Variants in NLGN1 observed in about 807,000 individuals in gnomAD.
The protein encoded by NLGN1 is neuroligin 1, also known as neuroligin-1.
A neutral mutation model predicts 65.5 loss-of-function variants in NLGN1; 12 were observed. That is an observed-to-expected ratio of 0.18 (90% confidence interval 0.12 to 0.30). The LOEUF is 0.30. Ranked by LOEUF, NLGN1 falls within the 10% of genes least tolerant of loss-of-function variation. NLGN1 has a pLI of 1.00. For missense variants in NLGN1, 750 were observed against 1,007.1 expected, an observed-to-expected ratio of 0.74 and a Z score of 3.46; for synonymous variants, 350 against 359.5, an observed-to-expected ratio of 0.97 and a Z score of 0.30.
At chr3:173,739,764 A>G (rs1385446041) in intron 3 of NLGN1, among the ~76,000 whole-genome samples, 1 of 152,158 alleles carries the variant, frequency 6.6e-6, no homozygotes, top group Non-Finnish European at 1.5e-5. Context: ...CTAGTACTCT[A>G]GAGTTTCAGT....
intron 2 of NLGN1, among the ~76,000 whole-genome samples, chr3:173,473,793 C>G (rs1452441459): frequency 6.6e-6 from 1 of 152,204 alleles, no homozygotes; most frequent in Non-Finnish European, 1.5e-5. Flanking sequence ...TTCTCTGCAT[C>G]ATTTTGCTGG....
intron 4 of NLGN1, among the ~76,000 whole-genome samples, chr3:174,077,904 T>C (rs1055576226): frequency 6.6e-6 from 1 of 152,132 alleles, no homozygotes; most frequent in African/African-American, 2.4e-5. Context: ...ATTTGATCTT[T>C]ATAGGAAATG....
At chr3:173,497,771 G>T (rs546653870) in intron 2 of NLGN1, among the ~76,000 whole-genome samples, 1 of 151,640 alleles carries the variant, frequency 6.6e-6, no homozygotes, top group Non-Finnish European at 1.5e-5. Flanking sequence ...AATATTCAAG[G>T]CCCAGGTAGC....
At chr3:173,516,494 T>C (rs910537492) in intron 2 of NLGN1, among the ~76,000 whole-genome samples, 6 of 152,086 alleles carry the variant, frequency 3.9e-5, no homozygotes, top group Admixed American at 3.9e-4. Flanking sequence ...TCTTGAACTC[T>C]CACCCAAACT....
chr3:174,252,371 G>C (rs985647242), intron 4 of NLGN1, among the ~76,000 whole-genome samples: 1 of 152,096 alleles, frequency 6.6e-6, no homozygotes, highest in African/African-American at 2.4e-5. Flanking sequence ...AAGCGAAAAG[G>C]AGAGGAAATG....
At chr3:173,867,933 A>G (rs1017009786) in intron 4 of NLGN1, among the ~76,000 whole-genome samples, 4 of 152,180 alleles carry the variant, frequency 2.6e-5, no homozygotes, top group African/African-American at 7.2e-5. Flanking sequence ...CTACAGCCCC[A>G]TAGGAGAATG....
At chr3:173,908,808 G>A (rs1738974579) in intron 4 of NLGN1, among the ~76,000 whole-genome samples, 1 of 152,170 alleles carries the variant, frequency 6.6e-6, no homozygotes, top group South Asian at 2.1e-4. Flanking sequence ...TGATGGCATT[G>A]CGTTATTTTT....
At chr3:173,769,671 G>A (rs1779299479) in intron 3 of NLGN1, among the ~76,000 whole-genome samples, 1 of 152,170 alleles carries the variant, frequency 6.6e-6, no homozygotes, top group African/African-American at 2.4e-5. Flanking sequence ...GGGCAGGATT[G>A]GAGATGGAAT....
At chr3:173,442,567 G>T (rs1469056703) in intron 2 of NLGN1, among the ~76,000 whole-genome samples, 2 of 152,070 alleles carry the variant, frequency 1.3e-5, no homozygotes, top group Non-Finnish European at 2.9e-5. Context: ...TGTTTGTATT[G>T]AAAGGTTTAA....
chr3:173,807,066 A>G (rs1578534341), intron 3 of NLGN1, among the ~76,000 whole-genome samples: 1 of 152,204 alleles, frequency 6.6e-6, no homozygotes, highest in South Asian at 2.1e-4. Flanking sequence ...CCTAAATGCA[A>G]CAAGAGGAGC....
intron 4 of NLGN1, among the ~76,000 whole-genome samples, chr3:174,116,859 C>A (rs1205721750): frequency 6.6e-6 from 1 of 152,016 alleles, no homozygotes; most frequent in African/African-American, 2.4e-5. Flanking sequence ...CTTATTCTAT[C>A]TTCTCATTTC....
chr3:174,270,771 T>C (rs1482346765), intron 4 of NLGN1, among the ~76,000 whole-genome samples: 2 of 151,832 alleles, frequency 1.3e-5, no homozygotes, highest in African/African-American at 4.8e-5. Context: ...AAGACATGAC[T>C]GAACATGGCA....
At chr3:174,202,503 T>A (rs934062083) in intron 4 of NLGN1, among the ~76,000 whole-genome samples, 1 of 152,208 alleles carries the variant, frequency 6.6e-6, no homozygotes, top group South Asian at 2.1e-4. Flanking sequence ...ACTCAGAGTA[T>A]TTTACTCAAA....
At chr3:173,830,958 A>G (rs1404370588) in intron 4 of NLGN1, among the ~76,000 whole-genome samples, 1 of 152,208 alleles carries the variant, frequency 6.6e-6, no homozygotes, top group Non-Finnish European at 1.5e-5. Flanking sequence ...AATGAAGAAT[A>G]CACTTGACTT....
intron 4 of NLGN1, among the ~76,000 whole-genome samples, chr3:174,078,328 G>A (rs1441587071): frequency 2.0e-5 from 3 of 152,092 alleles, no homozygotes; most frequent in South Asian, 2.1e-4. Context: ...CACAGCTTGT[G>A]CAGTGTGGAA....
chr3:173,720,990 G>A (rs1770741115), intron 3 of NLGN1, among the ~76,000 whole-genome samples: 1 of 152,214 alleles, frequency 6.6e-6, no homozygotes, highest in South Asian at 2.1e-4. Context: ...CAGGCAAAAA[G>A]TCAGGTAGAA....
intron 3 of NLGN1, among the ~76,000 whole-genome samples, chr3:173,681,643 A>T (rs745729585): frequency 9.2e-5 from 14 of 152,132 alleles, no homozygotes; most frequent in Non-Finnish European, 1.8e-4. Context: ...TTTGGCCCTG[A>T]TTAAGCACTT....
chr3:173,968,757 G>A (rs548492723), intron 4 of NLGN1, among the ~76,000 whole-genome samples: 1 of 136,698 alleles, frequency 7.3e-6, no homozygotes, highest in African/African-American at 2.8e-5. Context: ...GGAGTGCAAT[G>A]GCGCAATCTC....
chr3:174,242,259 G>A (rs1743022345), intron 4 of NLGN1, among the ~76,000 whole-genome samples: 1 of 151,904 alleles, frequency 6.6e-6, no homozygotes. Context: ...CCAGGCCATG[G>A]ACCGTGCCAG....
Sources: allele counts gnomAD v4.1 joint callset (sites outside exome capture counted in the v4.1 genomes callset), GRCh38; gene constraint gnomAD v4.1.1; transcripts MANE v1.5; gene names NCBI Gene and HGNC (gene_info 2026-07-23, HGNC 2026-07-21).